FBXO11: variants seen among roughly 807,000 people sequenced by gnomAD.
The protein encoded by FBXO11 is F-box only protein 11.
Under a neutral mutation model 117.0 loss-of-function variants are expected in FBXO11, and 13 were observed. That is an observed-to-expected ratio of 0.11 (90% CI 0.07 to 0.18). The LOEUF is 0.18. Ranked by LOEUF, FBXO11 falls within the 10% of genes least tolerant of loss-of-function variation. The probability of loss-of-function intolerance (pLI) is 1.00; values close to 1 mark genes in which losing one functional copy is unlikely to be tolerated. For missense variants in FBXO11, 767 were observed against 1,164.4 expected (o/e 0.66, Z 4.97); for synonymous variants, 490 against 380.5 (o/e 1.29, Z -3.35).
At chr2:47,832,242 A>T in intron 11 of FBXO11, 107 bp downstream of exon 11, 1 of 902,176 alleles carries the variant, frequency 1.1e-6, no homozygotes, top group Non-Finnish European at 1.6e-6. Context: ...TTTTAAACCT[A>T]TACTCTTCAA....
intron 1 of FBXO11, among the ~76,000 whole-genome samples, chr2:47,854,478 T>TG (rs951347883): frequency 2.0e-5 from 3 of 151,732 alleles, no homozygotes; most frequent in African/African-American, 7.3e-5. Flanking sequence ...CTATGAATAC[T>TG]GGGGGGTAAA....
chr2:47,905,785 G>C lies in FBXO11; in HGVS notation c.-65C>G, dbSNP rs561710870. ...ACACGCACACGCACAGCGAGCTTCG[G>C]GGCAGGAGAAAGGGGTGGGGAGAGT... On this transcript the variant is annotated 5_prime_UTR_variant, in exon 1 of 23. Transcript: ENST00000403359. 257 of 1,459,982 alleles carry C rather than the reference G, an allele frequency of 1.8e-4. No individual in the cohort carries two copies. The highest frequency in any genetic ancestry group is 2.2e-4 in the African/African-American group (15 of 67,514). The allele number at this position is 1,459,982 out of a possible 1,614,324, so 90.4% of individuals were successfully genotyped here.
At chr2:47,886,118 T>G (rs1029385197) in intron 1 of FBXO11, among the ~76,000 whole-genome samples, 1 of 151,454 alleles carries the variant, frequency 6.6e-6, no homozygotes, top group Non-Finnish European at 1.5e-5. Flanking sequence ...ATCATCAAAA[T>G]GTATAATCAA....
chr2:47,852,932 G>C (rs2103666431), intron 1 of FBXO11, among the ~76,000 whole-genome samples: 1 of 152,174 alleles, frequency 6.6e-6, no homozygotes, highest in Non-Finnish European at 1.5e-5. Context: ...ACATGGGTAA[G>C]CTCCAGAGCC....
At chr2:47,897,334 A>G (rs1314867944) in intron 1 of FBXO11, among the ~76,000 whole-genome samples, 1 of 152,254 alleles carries the variant, frequency 6.6e-6, no homozygotes, top group Non-Finnish European at 1.5e-5. Context: ...TCAGTTGGTT[A>G]CACTACAGTA....
rs1193215846 is a variant in FBXO11, at chr2:47,905,598, G to T, written c.123C>A (p.Pro41=). 4 of 1,294,198 alleles carry T rather than the reference G, an allele frequency of 3.1e-6. No individual in the cohort carries two copies. The East Asian group carries it at 9.6e-5, about 31-fold the overall frequency. 80.2% of individuals were successfully genotyped at this position (1,294,198 alleles called of 1,614,324 possible). ...GCGGCGGCGGCGGAGGCTGCTGCTGGGGCGGCTGCTGCTGGGGCGGCTGCG... is the reference window on the plus strand; with the variant it reads ...GCGGCGGCGGCGGAGGCTGCTGCTGTGGCGGCTGCTGCTGGGGCGGCTGCG... ...PPPQPPQQQP[P]QQQPPPPPQQ... is the part of the protein sequence containing the mutation. Residue 41 remains proline, a synonymous_variant, in exon 1 of 23, where the codon CCC becomes CCA. Transcript: ENST00000403359.
chr2:47,846,148 G>A (rs1673389086), intron 1 of FBXO11, among the ~76,000 whole-genome samples: 1 of 152,160 alleles, frequency 6.6e-6, no homozygotes, highest in South Asian at 2.1e-4. Flanking sequence ...ATGGTTTTGT[G>A]CCAACAAGTC....
At chr2:47,899,273 C>CAA (rs376186704) in intron 1 of FBXO11, among the ~76,000 whole-genome samples, 927 of 60,410 alleles carry the variant, frequency 0.015, 14 homozygotes, top group Non-Finnish European at 0.017. Context: ...GACTCCGTCT[C>CAA]AAAAAAAAAA....
At chr2:47,888,047 T>C (rs1176826595) in intron 1 of FBXO11, among the ~76,000 whole-genome samples, 2 of 151,488 alleles carry the variant, frequency 1.3e-5, no homozygotes, top group Admixed American at 6.6e-5. Flanking sequence ...ATGAAAGATA[T>C]ATATATATGT....
chr2:47,823,240 C>T lies in FBXO11; in HGVS notation c.1519G>A (p.Val507Ile). ...AATTGTCCTCTTCCTTTTTCATGGA[C>T]ATATATTCCTCCAGTCTGCCCATGG... ...IHHGQTGGIYVHEKGRGQFIE... is the reference protein window; with the variant it reads ...IHHGQTGGIYIHEKGRGQFIE... Residue 507 changes from valine to isoleucine, a missense_variant, in exon 12 of 23, where the codon GTC (valine) becomes ATC (isoleucine). Val to Ile is a conservative substitution (Grantham distance 29, BLOSUM62 3). Around this residue, in one of 10 missense-constraint regions of FBXO11, gnomAD observed 67 missense variants for 148.8 expected, o/e 0.45. Transcript: ENST00000403359. 6.2e-7 allele frequency: 1 copy of T among 1,613,938 alleles called. No individual in the cohort carries two copies. The highest frequency in any genetic ancestry group is 8.5e-7 in the Non-Finnish European group (1 of 1,179,906).
chr2:47,878,163 T>C (rs1676149574), intron 1 of FBXO11, among the ~76,000 whole-genome samples: 1 of 152,112 alleles, frequency 6.6e-6, no homozygotes, highest in South Asian at 2.1e-4. Context: ...TTCAGTTTTT[T>C]CCTGATTCAG....
intron 7 of FBXO11, among the ~76,000 whole-genome samples, chr2:47,834,365 G>C (rs1245109720): frequency 6.6e-6 from 1 of 151,504 alleles, no homozygotes; most frequent in Non-Finnish European, 1.5e-5. Context: ...AACAAAAAAG[G>C]TTGGGGGGGG....
rs1235371946 is a variant in FBXO11 at position 47,826,467 on chromosome 2, TA to T, written c.1399-3108del. Among the ~76,000 whole-genome samples, 10 of 152,232 alleles carry T rather than the reference TA, an allele frequency of 6.6e-5. 1 individual carries two copies. Among genetic ancestry groups the T allele is most frequent in the Non-Finnish European group, 1.3e-4 (9 of 68,046 alleles). ...TTCTTTTGATTCACATCTATTTTATTAAGTAACTCACTGTACTTAGTCTTCA... is the reference window on the plus strand; with the variant it reads ...TTCTTTTGATTCACATCTATTTTATTAGTAACTCACTGTACTTAGTCTTCA... On this transcript the variant is annotated intron_variant, in intron 11 of 22. Transcript: ENST00000403359.
intron 1 of FBXO11, 144 bp downstream of exon 1, chr2:47,905,344 AC>A (rs1678696697): frequency 1.2e-6 from 1 of 848,882 alleles, no homozygotes; most frequent in Admixed American, 5.0e-5. Context: ...ACACTGCGGC[AC>A]CGGGGGACCC....
At chr2:47,851,996 T>C (rs1218646196) in intron 1 of FBXO11, among the ~76,000 whole-genome samples, 2 of 150,934 alleles carry the variant, frequency 1.3e-5, no homozygotes, top group Non-Finnish European at 3.0e-5. Flanking sequence ...CCAATTTTTT[T>C]TTTTTTTTTT....
chr2:47,882,088 A>C (rs1226138773), intron 1 of FBXO11, among the ~76,000 whole-genome samples: 1 of 152,176 alleles, frequency 6.6e-6, no homozygotes, highest in Non-Finnish European at 1.5e-5. Context: ...TTCACTGCTT[A>C]CACACCAATC....
intron 1 of FBXO11, among the ~76,000 whole-genome samples, chr2:47,862,489 ATGTTGCCC>A (rs1674853483): frequency 6.6e-6 from 1 of 152,148 alleles, no homozygotes; most frequent in Admixed American, 6.5e-5. Context: ...ATGTCTTGCT[ATGTTGCCC>A]AGACTGGTCT....
rs1001047776 is a variant in FBXO11 at position 47,869,597 on chromosome 2, G to C, written c.233-29828C>G. 2.6e-5 allele frequency among the ~76,000 whole-genome samples: 4 copies of C among 152,270 alleles called. No homozygotes were observed. The South Asian group carries it at 8.3e-4, about 32-fold the overall frequency. Reference sequence around the variant, plus strand: ...AATGAAGGTTTGGGTTATCCCACCAGGTAAAGATCCACGGCCAGCTGAAGT... The same window carrying C: ...AATGAAGGTTTGGGTTATCCCACCACGTAAAGATCCACGGCCAGCTGAAGT... On this transcript the variant is annotated intron_variant, in intron 1 of 22. Coordinates refer to ENST00000403359, the MANE Select transcript of FBXO11 (RefSeq NM_001190274.2).
chr2:47,828,843 G>C (rs1186807525), intron 11 of FBXO11, among the ~76,000 whole-genome samples: 6 of 152,156 alleles, frequency 3.9e-5, no homozygotes, highest in Non-Finnish European at 8.8e-5. Context: ...AGTAACTAAA[G>C]GCTATAATAA....
Sources: allele counts gnomAD v4.1 joint callset (sites outside exome capture counted in the v4.1 genomes callset), GRCh38; gene constraint gnomAD v4.1.1; regional missense constraint gnomAD v4.1.1; transcripts MANE v1.5; gene names NCBI Gene and HGNC (gene_info 2026-07-23, HGNC 2026-07-21).